NEGR1: variants seen among roughly 807,000 people sequenced by gnomAD.
NEGR1 encodes the protein IgLON family member 4.
In NEGR1, 10 loss-of-function variants were observed where a neutral mutation model predicts 40.9. The observed-to-expected ratio is 0.24, with a 90% CI of 0.15 to 0.42. NEGR1 has a LOEUF of 0.42. NEGR1 is among the 10% of genes least tolerant of loss of function. NEGR1 has a pLI of 1.00. For synonymous variants in NEGR1, 185 were observed against 166.8 expected (o/e 1.11, Z -0.84); for missense variants, 352 against 438.9 (o/e 0.80, Z 1.77).
At chr1:72,013,963 TAAAA>T (rs1161156816) in intron 1 of NEGR1, among the ~76,000 whole-genome samples, 2 of 88,490 alleles carry the variant, frequency 2.3e-5, no homozygotes, top group South Asian at 3.4e-4. Context: ...CTGTGAAAAA[TAAAA>T]AAAAAAAAAA....
At chr1:72,222,529 G>A (rs766897554) in intron 1 of NEGR1, among the ~76,000 whole-genome samples, 11 of 152,120 alleles carry the variant, frequency 7.2e-5, no homozygotes, top group Non-Finnish European at 1.3e-4. Flanking sequence ...CAATCATAAA[G>A]ACATGGGGAT....
intron 1 of NEGR1, among the ~76,000 whole-genome samples, chr1:72,132,529 A>G (rs1360211428): frequency 1.3e-5 from 2 of 152,206 alleles, no homozygotes; most frequent in Non-Finnish European, 2.9e-5. Context: ...TGAATGAAGA[A>G]TGTGATGGTG....
intron 1 of NEGR1, among the ~76,000 whole-genome samples, chr1:72,174,831 G>A (rs970972839): frequency 6.6e-5 from 10 of 151,990 alleles, no homozygotes; most frequent in East Asian, 3.9e-4. Context: ...GGGAGGCAAC[G>A]AAGGATAGTA....
At chr1:71,960,949 T>C (rs1356257650) in intron 1 of NEGR1, among the ~76,000 whole-genome samples, 2 of 152,184 alleles carry the variant, frequency 1.3e-5, no homozygotes, top group Admixed American at 6.5e-5. Flanking sequence ...TTTTCCTCAG[T>C]TATCATTTAG....
intron 1 of NEGR1, among the ~76,000 whole-genome samples, chr1:72,257,308 C>T (rs1227166346): frequency 6.1e-5 from 7 of 114,902 alleles, no homozygotes; most frequent in African/African-American, 2.6e-4. Flanking sequence ...GGCGACAGAG[C>T]GAGACTCTGT....
At chr1:71,851,758 G>T (rs961437473) in intron 2 of NEGR1, among the ~76,000 whole-genome samples, 56 of 151,658 alleles carry the variant, frequency 3.7e-4, no homozygotes, top group African/African-American at 1.2e-3. Flanking sequence ...TTCTTTGTTT[G>T]CTCATTAAAA....
chr1:72,109,076 C>A (rs182556295), intron 1 of NEGR1, among the ~76,000 whole-genome samples: 1 of 151,526 alleles, frequency 6.6e-6, no homozygotes, highest in African/African-American at 2.4e-5. Flanking sequence ...CTCATTTCCA[C>A]ATAAACACAT....
chr1:72,029,266 G>T (rs529875018), intron 1 of NEGR1, among the ~76,000 whole-genome samples: 1 of 152,058 alleles, frequency 6.6e-6, no homozygotes, highest in East Asian at 1.9e-4. Context: ...GATCACTTGA[G>T]CCCAGGAGTT....
intron 1 of NEGR1, among the ~76,000 whole-genome samples, chr1:72,039,758 A>G (rs1646935796): frequency 6.6e-6 from 1 of 151,966 alleles, no homozygotes; most frequent in South Asian, 2.1e-4. Flanking sequence ...AAGTGCAAAT[A>G]CCAATAGCAT....
At position 72,099,134 on chromosome 1, in the gene NEGR1, TA is replaced by T. The variant is rs545847859; in HGVS notation, c.177-163824del. Among the ~76,000 whole-genome samples, 72 of 152,068 alleles carry T rather than the reference TA, an allele frequency of 4.7e-4. No individual in the cohort carries two copies. The Middle Eastern group carries it at 0.01, about 22-fold the overall frequency. The stretch of plus-strand genomic sequence containing the variant: ...ATTAGAGAGTATCTCTAATTTTATT[TA>T]AAAATTTATGTTTTAAAGTTTCATA... On this transcript the variant is annotated intron_variant, in intron 1 of 6. Coordinates refer to ENST00000357731, the MANE Select transcript of NEGR1 (RefSeq NM_173808.3).
At chr1:71,765,226 C>G (rs540676093) in intron 3 of NEGR1, among the ~76,000 whole-genome samples, 38 of 152,130 alleles carry the variant, frequency 2.5e-4, no homozygotes, top group Non-Finnish European at 4.7e-4. Context: ...CATTGCCCAA[C>G]CAATGCTTCA....
chr1:71,404,774 T>C lies in NEGR1; in HGVS notation c.*2672A>G, dbSNP rs951153012. On this transcript the variant is annotated 3_prime_UTR_variant, in exon 7 of 7. Coordinates refer to ENST00000357731, the MANE Select transcript of NEGR1 (RefSeq NM_173808.3). ...AATGAACAGCTAACACAAATTGTTA[T>C]AGATTAAAAGATAAATCAATTTATA... 1 of 152,236 alleles carries C rather than the reference T, an allele frequency of 6.6e-6. No homozygotes were observed. Among genetic ancestry groups the C allele is most frequent in the African/African-American group, 2.4e-5 (1 of 41,408 alleles). 9.4% of individuals were successfully genotyped at this position (152,236 alleles called of 1,614,324 possible).
chr1:71,430,607 A>C (rs1250412353), intron 6 of NEGR1, among the ~76,000 whole-genome samples: 1 of 151,558 alleles, frequency 6.6e-6, no homozygotes, highest in East Asian at 2.0e-4. Flanking sequence ...AAAGTGTATA[A>C]TTCACATTTT....
chr1:71,799,310 C>T (rs1657467522), intron 2 of NEGR1, among the ~76,000 whole-genome samples: 1 of 152,090 alleles, frequency 6.6e-6, no homozygotes, highest in Admixed American at 6.6e-5. Flanking sequence ...TTTTCTGTTC[C>T]TGTATTAGTC....
At chr1:71,860,821 C>T (rs934401072) in intron 2 of NEGR1, among the ~76,000 whole-genome samples, 3 of 151,908 alleles carry the variant, frequency 2.0e-5, no homozygotes, top group African/African-American at 7.3e-5. Context: ...AAGCAATTTC[C>T]CAAGTCATAA....
At chr1:72,178,601 T>C (rs1041079870) in intron 1 of NEGR1, among the ~76,000 whole-genome samples, 4 of 151,840 alleles carry the variant, frequency 2.6e-5, no homozygotes, top group African/African-American at 4.8e-5. Context: ...CTAGCTCTAA[T>C]AATTATTTCA....
chr1:72,246,991 G>A (rs1654925002), intron 1 of NEGR1, among the ~76,000 whole-genome samples: 1 of 152,244 alleles, frequency 6.6e-6, no homozygotes, highest in Non-Finnish European at 1.5e-5. Flanking sequence ...AGCCCGAGCT[G>A]TACCTGGGCT....
intron 5 of NEGR1, among the ~76,000 whole-genome samples, chr1:71,610,536 A>G (rs1650218617): frequency 6.6e-6 from 1 of 152,208 alleles, no homozygotes. Flanking sequence ...TATCTCCTCT[A>G]CAGCCTCTTT....
At chr1:72,241,440 C>CTCTA (rs1654741061) in intron 1 of NEGR1, among the ~76,000 whole-genome samples, 1 of 150,736 alleles carries the variant, frequency 6.6e-6, no homozygotes, top group South Asian at 2.1e-4. Flanking sequence ...TTCTTTTGAC[C>CTCTA]ATTAGAGGTC....
Sources: allele counts gnomAD v4.1 joint callset (sites outside exome capture counted in the v4.1 genomes callset), GRCh38; gene constraint gnomAD v4.1.1; transcripts MANE v1.5; gene names NCBI Gene and HGNC (gene_info 2026-07-23, HGNC 2026-07-21).